The following DAB1 variants were observed in gnomAD, a reference collection of about 807,000 sequenced individuals.
DAB1 encodes disabled homolog 1.
Under a neutral mutation model 64.6 loss-of-function variants are expected in DAB1, and 15 were observed. That is an observed-to-expected ratio of 0.23 (90% CI 0.16 to 0.36). The LOEUF is 0.36. Among genes scored for constraint, DAB1 ranks in the 10% least tolerant of loss-of-function variants. The pLI is 1.00. For synonymous variants in DAB1, 235 were observed against 251.9 expected, an observed-to-expected ratio of 0.93 and a Z score of 0.64; for missense variants, 596 against 706.7, an observed-to-expected ratio of 0.84 and a Z score of 1.78.
chr1:58,457,053 C>A (rs771759622), intron 3 of DAB1, among the ~76,000 whole-genome samples: 5 of 152,124 alleles, frequency 3.3e-5, no homozygotes, highest in Non-Finnish European at 7.4e-5. Flanking sequence ...ATCCTTTCTG[C>A]CAGTATGCAA....
intron 7 of DAB1, among the ~76,000 whole-genome samples, chr1:57,581,894 T>C (rs1356930680): frequency 6.6e-6 from 1 of 152,124 alleles, no homozygotes; most frequent in Admixed American, 6.5e-5. Context: ...CAACATACCA[T>C]AGACTGGGCA....
At chr1:57,973,502 A>G (rs114928866) in intron 5 of DAB1, among the ~76,000 whole-genome samples, 67 of 152,348 alleles carry the variant, frequency 4.4e-4, no homozygotes, top group Middle Eastern at 3.4e-3. Flanking sequence ...ATACATGTAC[A>G]TTACATAGAC....
intron 1 of DAB1, chr1:58,533,958 G>A (rs1440281204): frequency 1.1e-6 from 1 of 872,062 alleles, no homozygotes; most frequent in East Asian, 2.4e-5. Context: ...CTTACAGCAT[G>A]CCCAAGTACT....
chr1:58,155,783 T>A (rs966902845), intron 4 of DAB1, among the ~76,000 whole-genome samples: 4 of 152,222 alleles, frequency 2.6e-5, no homozygotes, highest in Non-Finnish European at 5.9e-5. Flanking sequence ...TTGCAGGTGA[T>A]GAGCAGAGAG....
intron 2 of DAB1, among the ~76,000 whole-genome samples, chr1:57,219,878 A>G (rs541090872): frequency 6.6e-6 from 1 of 152,230 alleles, no homozygotes; most frequent in South Asian, 2.1e-4. Context: ...GAGACCCCTG[A>G]GCAGAGGACC....
chr1:57,646,446 G>T (rs572628211), intron 7 of DAB1, among the ~76,000 whole-genome samples: 11 of 152,242 alleles, frequency 7.2e-5, no homozygotes, highest in Admixed American at 2.0e-4. Flanking sequence ...GTACATGCTG[G>T]TGCACAAAAC....
At chr1:57,550,661 C>T (rs1449329807) in intron 7 of DAB1, among the ~76,000 whole-genome samples, 1 of 152,142 alleles carries the variant, frequency 6.6e-6, no homozygotes, top group East Asian at 1.9e-4. Flanking sequence ...TTGGTTTTAG[C>T]TCCTCCACAG....
chr1:57,948,263 G>T (rs1261367833), intron 5 of DAB1, among the ~76,000 whole-genome samples: 2 of 152,098 alleles, frequency 1.3e-5, no homozygotes, highest in African/African-American at 4.8e-5. Context: ...GCAATAAAAG[G>T]CCCAAAGAAA....
chr1:57,618,876 C>T (rs893922150), intron 7 of DAB1, among the ~76,000 whole-genome samples: 1 of 152,084 alleles, frequency 6.6e-6, no homozygotes, highest in Non-Finnish European at 1.5e-5. Flanking sequence ...GTGGTCAAAT[C>T]CTGGCTCTGC....
chr1:58,373,010 A>G (rs961166105), intron 3 of DAB1, among the ~76,000 whole-genome samples: 19 of 152,198 alleles, frequency 1.2e-4, no homozygotes, highest in Admixed American at 1.2e-3. Flanking sequence ...CTGAAAGCAA[A>G]TATTTTAAAA....
rs1024889315 is a variant in DAB1, at chr1:58,228,903, T to C, written n.310-78315A>G. 6 of 524,562 alleles carry C rather than the reference T, an allele frequency of 1.1e-5. No homozygotes were observed. In the African/African-American group the frequency reaches 1.2e-4, roughly 10 times the overall value. 32.5% of individuals were successfully genotyped at this position (524,562 alleles called of 1,614,324 possible). A position where few individuals can be genotyped will look rare whatever the true frequency, so the allele number is the denominator to read the frequency against. On this transcript the variant is annotated intron_variant and non_coding_transcript_variant, in intron 4 of 20. Coordinates refer to the DAB1 transcript ENST00000485760. ...CATCCGCAGGCAACCTAACAACAGC[T>C]GTAGTGTGTAGAAAATGCAATCAAA...
At chr1:57,596,398 A>G (rs1012945987) in intron 7 of DAB1, among the ~76,000 whole-genome samples, 3 of 152,212 alleles carry the variant, frequency 2.0e-5, no homozygotes, top group African/African-American at 7.2e-5. Context: ...ACCTGAACAT[A>G]AGATTGTCTT....
At chr1:57,311,943 C>A (rs1212608689) in intron 1 of DAB1, among the ~76,000 whole-genome samples, 2 of 152,184 alleles carry the variant, frequency 1.3e-5, no homozygotes, top group African/African-American at 4.8e-5. Flanking sequence ...GGTTTCTTAA[C>A]CTCCCTGAAC....
intron 4 of DAB1, among the ~76,000 whole-genome samples, chr1:57,087,928 C>T (rs542551587): frequency 6.6e-6 from 1 of 152,254 alleles, no homozygotes; most frequent in East Asian, 1.9e-4. Flanking sequence ...CATAATAGAC[C>T]AGCAATGGAA....
At position 58,171,937 on chromosome 1, in the gene DAB1, G is replaced by C. The variant is rs190644180; in HGVS notation, n.310-21349C>G. 4.3e-4 allele frequency among the ~76,000 whole-genome samples: 65 copies of C among 152,312 alleles called. 1 individual carries two copies. The highest frequency in any genetic ancestry group is 1.5e-3 in the African/African-American group (62 of 41,564). Reference sequence around the variant, plus strand: ...GCCTAATCTTAGCCAAAGGGACCAGGGCCCTCAGCAAGGAACGAGTACAGC... The same window carrying C: ...GCCTAATCTTAGCCAAAGGGACCAGCGCCCTCAGCAAGGAACGAGTACAGC... On this transcript the variant is annotated intron_variant and non_coding_transcript_variant, in intron 4 of 20. Coordinates refer to the DAB1 transcript ENST00000485760.
intron 2 of DAB1, chr1:58,506,213 A>ATT (rs1381360448): frequency 1.2e-6 from 1 of 863,048 alleles, no homozygotes; most frequent in Admixed American, 1.7e-5. Flanking sequence ...CACAAGCCTA[A>ATT]AACCAAAATT....
intron 5 of DAB1, among the ~76,000 whole-genome samples, chr1:58,122,450 C>T (rs763638077): frequency 3.9e-5 from 6 of 152,144 alleles, no homozygotes; most frequent in Non-Finnish European, 8.8e-5. Flanking sequence ...TCCCACCTTG[C>T]AGCTTTGTTA....
chr1:57,020,978 C>T (rs1646598114), intron 11 of DAB1, among the ~76,000 whole-genome samples: 1 of 152,188 alleles, frequency 6.6e-6, no homozygotes, highest in Non-Finnish European at 1.5e-5. Flanking sequence ...GTTCACTTCC[C>T]TGTCTCCTTA....
At chr1:57,033,340 A>C in intron 9 of DAB1, 1 of 1,583,102 alleles carries the variant, frequency 6.3e-7, no homozygotes, top group Non-Finnish European at 8.7e-7. Context: ...GGAATGCATG[A>C]GTATGAGCAG....
Sources: allele counts gnomAD v4.1 joint callset (sites outside exome capture counted in the v4.1 genomes callset), GRCh38; gene constraint gnomAD v4.1.1; transcripts MANE v1.5; gene names NCBI Gene and HGNC (gene_info 2026-07-23, HGNC 2026-07-21).